Variants in CLPB observed in about 807,000 individuals in gnomAD.
CLPB encodes the protein mitochondrial disaggregase.
In CLPB, 40 loss-of-function variants were observed where a neutral mutation model predicts 78.4. The observed-to-expected ratio is 0.51, with a 90% CI of 0.40 to 0.66. CLPB has a LOEUF of 0.66. Ranked by LOEUF, CLPB falls within the 30% of genes least tolerant of loss-of-function variation. The pLI, the probability that CLPB is intolerant of heterozygous loss-of-function variation, is 0.00. For missense variants in CLPB, 780 were observed against 886.9 expected (o/e 0.88, Z 1.53); for synonymous variants, 333 against 348.0 (o/e 0.96, Z 0.48).
chr11:72,294,774 G>T, intron 12 of CLPB, 81 bp from the exon 13 acceptor site: 1 of 1,152,930 alleles, frequency 8.7e-7, no homozygotes, highest in Non-Finnish European at 1.3e-6. Flanking sequence ...GCCTGCCCAT[G>T]GAAAGAGCCC....
chr11:72,403,184 G>C (rs975371405), intron 2 of CLPB, 132 bp from the exon 3 acceptor site: 1 of 870,434 alleles, frequency 1.1e-6, no homozygotes. Context: ...AACAACCATA[G>C]AAGAAATGAC....
chr11:72,405,711 G>A lies in CLPB; in HGVS notation c.456-2659C>T, dbSNP rs374071170. 5.9e-5 allele frequency among the ~76,000 whole-genome samples: 9 copies of A among 152,186 alleles called. No individual in the cohort carries two copies. The South Asian group carries it at 6.2e-4, about 11-fold the overall frequency. On this transcript the variant is annotated intron_variant, in intron 2 of 15. Transcript: ENST00000538039. ...TAGGAGGCCAAGGCAGGTGGATCAC[G>A]AGGTCAGGAGATCGAGACCATCCTG...
At chr11:72,295,443 G>A in intron 12 of CLPB, 49 bp downstream of exon 12, 1 of 1,594,354 alleles carries the variant, frequency 6.3e-7, no homozygotes. Flanking sequence ...CCAGGAGATA[G>A]GCTGGTGGCT....
chr11:72,328,164 G>A (rs1372065605), intron 6 of CLPB, among the ~76,000 whole-genome samples: 1 of 152,180 alleles, frequency 6.6e-6, no homozygotes, highest in Non-Finnish European at 1.5e-5. Context: ...AACTGCAGAT[G>A]TAAGACCCTT....
chr11:72,342,102 C>T (rs1035383888), intron 5 of CLPB, among the ~76,000 whole-genome samples: 9 of 152,224 alleles, frequency 5.9e-5, no homozygotes, highest in Middle Eastern at 3.4e-3. Flanking sequence ...AGTAGACAAC[C>T]ATACTATTCA....
intron 6 of CLPB, among the ~76,000 whole-genome samples, chr11:72,320,037 C>T (rs1292910869): frequency 1.3e-5 from 2 of 152,204 alleles, no homozygotes; most frequent in Non-Finnish European, 2.9e-5. Flanking sequence ...TCTCTAGGAA[C>T]CCTAGGTCTG....
At chr11:72,402,707 T>A (rs1471762938) in intron 3 of CLPB, among the ~76,000 whole-genome samples, 1 of 152,234 alleles carries the variant, frequency 6.6e-6, no homozygotes, top group Non-Finnish European at 1.5e-5. Flanking sequence ...TCCAAACATT[T>A]GGTTGCTACA....
chr11:72,329,784 T>A lies in CLPB; in HGVS notation c.796A>T (p.Asn266Tyr). 6.2e-7 allele frequency: 1 copy of A among 1,613,862 alleles called. No individual in the cohort carries two copies. The highest frequency in any genetic ancestry group is 8.5e-7 in the Non-Finnish European group (1 of 1,179,872). Residue 266 changes from asparagine to tyrosine, a missense_variant, in exon 6 of 16, where the codon AAT becomes TAT. Coordinates refer to ENST00000538039, the MANE Select transcript of CLPB (RefSeq NM_001258392.3). ...TCCAAGGGTGTGTGTCCCATTTCAT[T>A]CCTCTGCAGGGGGTTGGCTCCTGGC... is the stretch of plus-strand genomic sequence containing the variant. ...LDGGANPLQR[N>Y]EMGHTPLDYA...
chr11:72,390,567 T>C (rs1855224774), intron 3 of CLPB, among the ~76,000 whole-genome samples: 1 of 152,134 alleles, frequency 6.6e-6, no homozygotes, highest in Non-Finnish European at 1.5e-5. Context: ...ACTAGGTATA[T>C]AAAGAAAATC....
intron 6 of CLPB, among the ~76,000 whole-genome samples, chr11:72,325,465 G>T (rs1406708931): frequency 6.6e-6 from 1 of 152,180 alleles, no homozygotes; most frequent in Non-Finnish European, 1.5e-5. Context: ...ATCACCTCTG[G>T]ATATTCTCAG....
intron 6 of CLPB, among the ~76,000 whole-genome samples, chr11:72,319,749 T>G (rs1395199227): frequency 1.3e-5 from 2 of 152,230 alleles, no homozygotes; most frequent in African/African-American, 4.8e-5. Flanking sequence ...CTCTGGCACA[T>G]AGCATTAAGA....
rs563884899 is a variant in CLPB at position 72,433,540 on chromosome 11, GAAATAAATAAATAAAT to G, written c.403+516_403+531del. Among the ~76,000 whole-genome samples, 360 of 138,672 alleles carry G rather than the reference GAAATAAATAAATAAAT, an allele frequency of 2.6e-3. 2 individuals are homozygous for G. The highest frequency in any genetic ancestry group is 0.012 in the East Asian group (58 of 4,784). 91.0% of individuals were successfully genotyped at this position (138,672 alleles called of 152,430 possible). A position where few individuals can be genotyped will look rare whatever the true frequency, so the allele number is the denominator to read the frequency against. On this transcript the variant is annotated intron_variant, in intron 1 of 15. Transcript: ENST00000538039. ...GGCGACAGAGCAAGACTCCATCTCA[GAAATAAATAAATAAAT>G]AAATAAATAAATAAATAAATAAATA...
At chr11:72,420,513 T>C (rs1856162644) in intron 2 of CLPB, among the ~76,000 whole-genome samples, 1 of 151,598 alleles carries the variant, frequency 6.6e-6, no homozygotes, top group African/African-American at 2.4e-5. Context: ...AAAAAAAAAC[T>C]TTCAATAATA....
In CLPB at chr11:72,287,761, G is replaced by A. The variant is rs1396102675; in HGVS notation, c.*5606C>T. 6.6e-6 allele frequency: 1 copy of A among 152,126 alleles called. No individual in the cohort carries two copies. Among genetic ancestry groups the A allele is most frequent in the Non-Finnish European group, 1.5e-5 (1 of 68,026 alleles). The allele number at this position is 152,126 out of a possible 1,614,324, so 9.4% of individuals were successfully genotyped here. On this transcript the variant is annotated 3_prime_UTR_variant, in exon 16 of 16. Transcript: ENST00000538039. ...TATTTCTAGGATCAGTGTTTGCTGG[G>A]AAATTATCCATTTCCTCTGATTTCA...
At chr11:72,295,863 A>G (rs914933737) in intron 11 of CLPB, among the ~76,000 whole-genome samples, 2 of 152,194 alleles carry the variant, frequency 1.3e-5, no homozygotes, top group African/African-American at 4.8e-5. Context: ...TGCTCTCCCT[A>G]CTGAGTGCCT....
rs1949435369 is a variant in CLPB at position 72,290,234 on chromosome 11, C to T, written c.*3133G>A. ...TGACAGGGGCAATGTCGAAACAACACAGTGCCAACTTCAATGAGTTCTCAC... is the reference window on the plus strand; with the variant it reads ...TGACAGGGGCAATGTCGAAACAACATAGTGCCAACTTCAATGAGTTCTCAC... On this transcript the variant is annotated 3_prime_UTR_variant, in exon 16 of 16. Coordinates refer to ENST00000538039, the MANE Select transcript of CLPB (RefSeq NM_001258392.3). 1 of 152,194 alleles carries T rather than the reference C, an allele frequency of 6.6e-6. No homozygotes were observed. Among genetic ancestry groups the T allele is most frequent in the Admixed American group, 6.5e-5 (1 of 15,278 alleles). The allele number at this position is 152,194 out of a possible 1,614,324, so 9.4% of individuals were successfully genotyped here.
intron 5 of CLPB, among the ~76,000 whole-genome samples, chr11:72,351,131 A>C (rs953342305): frequency 2.6e-5 from 4 of 152,174 alleles, no homozygotes; most frequent in Non-Finnish European, 5.9e-5. Context: ...GATGTTAGAG[A>C]AGGGCCATGA....
Position 72,293,492 on chromosome 11 carries a change from G to A in CLPB, c.1909C>T (p.Pro637Ser). 6.2e-7 allele frequency: 1 copy of A among 1,614,196 alleles called. No individual in the cohort carries two copies. The highest frequency in any genetic ancestry group is 8.5e-7 in the Non-Finnish European group (1 of 1,180,032). The change falls in exon 16 of 16, where the codon CCC becomes TCC. Residue 637 changes from proline (P) to serine (S), a missense_variant. This residue lies in a region of CLPB where 272 missense variants were observed against 304.0 expected (regional missense o/e 0.89). Transcript: ENST00000538039. ...DKQLLKSPEL[P>S]SPQAEKRLPK... The stretch of plus-strand genomic sequence containing the variant: ...AGGCGCTTCTCAGCCTGGGGTGAGG[G>A]CAGTTCTGGGCTTTTGAGTAGCTGC...
At chr11:72,408,347 G>GT (rs1441493204) in intron 2 of CLPB, 8 of 663,352 alleles carry the variant, frequency 1.2e-5, no homozygotes, top group Non-Finnish European at 2.1e-5. Context: ...ACAGAATTTC[G>GT]TAAGGAGTGG....
Sources: allele counts gnomAD v4.1 joint callset (sites outside exome capture counted in the v4.1 genomes callset), GRCh38; gene constraint gnomAD v4.1.1; regional missense constraint gnomAD v4.1.1; transcripts MANE v1.5; gene names NCBI Gene and HGNC (gene_info 2026-07-23, HGNC 2026-07-21).